The following TNKS variants were observed in gnomAD, a reference collection of about 807,000 sequenced individuals.
TNKS encodes the protein tankyrase.
Under a neutral mutation model 135.8 loss-of-function variants are expected in TNKS, and 72 were observed. The ratio of observed to expected loss-of-function variants is 0.53; its 90% CI spans 0.44 to 0.64. The LOEUF is 0.64. TNKS is among the 30% of genes least tolerant of loss of function. The probability of loss-of-function intolerance (pLI) is 0.00; values close to 1 mark genes in which losing one functional copy is unlikely to be tolerated. For missense variants in TNKS, 1,769 were observed against 1,674.0 expected (o/e 1.06, Z -0.99); for synonymous variants, 849 against 649.3 (o/e 1.31, Z -4.68).
chr8:9,621,373 C>T (rs188078310), intron 3 of TNKS, among the ~76,000 whole-genome samples: 14 of 150,398 alleles, frequency 9.3e-5, no homozygotes, highest in Admixed American at 2.7e-4. Context: ...GGTGCAGTCT[C>T]GGCTCACTGC....
chr8:9,583,747 A>G (rs1353496784), intron 2 of TNKS, among the ~76,000 whole-genome samples: 3 of 151,962 alleles, frequency 2.0e-5, no homozygotes, highest in Admixed American at 6.5e-5. Context: ...TCAGCCTCCC[A>G]AAGTCCTGGG....
intron 25 of TNKS, among the ~76,000 whole-genome samples, chr8:9,768,014 A>T (rs948141250): frequency 3.9e-5 from 6 of 151,968 alleles, no homozygotes; most frequent in African/African-American, 1.2e-4. Context: ...TAGCATGTAA[A>T]AGTATTTTTG....
intron 2 of TNKS, among the ~76,000 whole-genome samples, chr8:9,598,781 A>G (rs866348970): frequency 0.011 from 634 of 59,694 alleles, 22 homozygotes; most frequent in African/African-American, 0.013. Context: ...ATATATATAT[A>G]TATATATATA....
intron 13 of TNKS, among the ~76,000 whole-genome samples, chr8:9,727,314 A>G (rs2128815695): frequency 6.6e-6 from 1 of 152,326 alleles, no homozygotes; most frequent in East Asian, 1.9e-4. Context: ...TTTTTCAAAT[A>G]TAGTCATATT....
rs980674189 is a variant in TNKS at position 9,578,112 on chromosome 8, C to T, written c.674-2047C>T. Among the ~76,000 whole-genome samples the T allele has an allele frequency of 6.6e-5, 10 of 152,294 alleles. No individual in the cohort carries two copies. In the East Asian group the frequency reaches 7.7e-4, roughly 12 times the overall value. On this transcript the variant is annotated intron_variant, in intron 1 of 26. Transcript: ENST00000310430. Reference sequence around the variant, plus strand: ...AGGGGTGGGCTCCCAAGGCCTTGGGCGGCTCCACCCCTGTGGCTTTGCAGG... The same window carrying T: ...AGGGGTGGGCTCCCAAGGCCTTGGGTGGCTCCACCCCTGTGGCTTTGCAGG...
chr8:9,585,822 C>T (rs1343043516), intron 2 of TNKS, among the ~76,000 whole-genome samples: 1 of 151,988 alleles, frequency 6.6e-6, no homozygotes, highest in African/African-American at 2.4e-5. Flanking sequence ...TTCTTGGGAG[C>T]GCAAAATTCA....
At position 9,748,114 on chromosome 8, in the gene TNKS, C is replaced by T; in HGVS notation, c.2734C>T (p.Gln912Ter). 1 of 1,614,096 alleles carries T rather than the reference C, an allele frequency of 6.2e-7. No homozygotes were observed. Among genetic ancestry groups the T allele is most frequent in the Non-Finnish European group, 8.5e-7 (1 of 1,180,012 alleles). The change falls in exon 18 of 27, where the codon CAG becomes TAG. Residue 912 changes from glutamine to a stop codon, truncating the protein, a stop_gained. Coordinates refer to ENST00000310430, the MANE Select transcript of TNKS (RefSeq NM_003747.3). LOFTEE classifies it high-confidence loss of function. ...WAFTPLHEAA[Q>*]KGRTQLCALL... ...GTTTACTCCCCTCCATGAAGCAGCC[C>T]AGAAAGGAAGGACGCAGCTGTGCGC...
At chr8:9,581,457 G>A (rs1418881265) in intron 2 of TNKS, among the ~76,000 whole-genome samples, 1 of 151,998 alleles carries the variant, frequency 6.6e-6, no homozygotes, top group Non-Finnish European at 1.5e-5. Context: ...CACTAACATA[G>A]CCACATCCTG....
intron 25 of TNKS, 61 bp from the exon 26 acceptor site, chr8:9,770,045 A>G: frequency 1.4e-6 from 2 of 1,454,712 alleles, no homozygotes; most frequent in Non-Finnish European, 1.9e-6. Flanking sequence ...TAGATCTAGC[A>G]GTTATATTAT....
At chr8:9,642,173 A>G (rs1394871270) in intron 3 of TNKS, among the ~76,000 whole-genome samples, 1 of 146,358 alleles carries the variant, frequency 6.8e-6, no homozygotes, top group Non-Finnish European at 1.5e-5. Context: ...TACCATTCCT[A>G]GGTAATTATT....
At chr8:9,735,558 T>G in intron 17 of TNKS, 72 bp downstream of exon 17, 2 of 1,227,672 alleles carry the variant, frequency 1.6e-6, no homozygotes, top group Non-Finnish European at 2.4e-6. Context: ...CCCAGCACTT[T>G]AGGAGGCCGA....
intron 11 of TNKS, among the ~76,000 whole-genome samples, chr8:9,718,276 C>G (rs895245619): frequency 6.6e-6 from 1 of 152,136 alleles, no homozygotes; most frequent in Admixed American, 6.6e-5. Context: ...TACTTGAAAT[C>G]AGCTTTTAGG....
intron 3 of TNKS, among the ~76,000 whole-genome samples, chr8:9,650,940 G>T (rs1005108726): frequency 6.6e-6 from 1 of 152,128 alleles, no homozygotes; most frequent in Non-Finnish European, 1.5e-5. Flanking sequence ...TAGAATTTCT[G>T]TTGTTTCAGG....
chr8:9,717,942 G>C (rs544676373), intron 11 of TNKS, among the ~76,000 whole-genome samples: 2 of 152,106 alleles, frequency 1.3e-5, no homozygotes, highest in Non-Finnish European at 2.9e-5. Context: ...GATATATACA[G>C]GCAAAATACA....
intron 6 of TNKS, among the ~76,000 whole-genome samples, chr8:9,705,527 A>C (rs576493134): frequency 6.6e-6 from 1 of 152,086 alleles, no homozygotes; most frequent in Admixed American, 6.5e-5. Flanking sequence ...AATGAACTCA[A>C]TGCTTGAGAC....
intron 2 of TNKS, among the ~76,000 whole-genome samples, chr8:9,601,162 A>G (rs1459991286): frequency 6.6e-6 from 1 of 152,238 alleles, no homozygotes; most frequent in African/African-American, 2.4e-5. Context: ...TAAAATAGAA[A>G]GTGGAAATCC....
At chr8:9,775,338 A>T (rs965740998) in intron 26 of TNKS, among the ~76,000 whole-genome samples, 1 of 151,618 alleles carries the variant, frequency 6.6e-6, no homozygotes, top group Non-Finnish European at 1.5e-5. Context: ...CAGATTGGAA[A>T]GTCAGGAGAG....
At chr8:9,585,166 A>AT (rs568388924) in intron 2 of TNKS, among the ~76,000 whole-genome samples, 2 of 151,638 alleles carry the variant, frequency 1.3e-5, no homozygotes, top group East Asian at 3.9e-4. Context: ...CCACCACCTA[A>AT]TTTTTTTTTC....
intron 18 of TNKS, among the ~76,000 whole-genome samples, 177 bp from the exon 19 acceptor site, chr8:9,751,432 C>T (rs539109060): frequency 3.7e-4 from 56 of 152,128 alleles, no homozygotes; most frequent in African/African-American, 1.3e-3. Context: ...ATTCTGTCTA[C>T]TGAAACTATT....
Sources: allele counts gnomAD v4.1 joint callset (sites outside exome capture counted in the v4.1 genomes callset), GRCh38; gene constraint gnomAD v4.1.1; transcripts MANE v1.5; gene names NCBI Gene and HGNC (gene_info 2026-07-23, HGNC 2026-07-21).